The following SUGCT variants were observed in gnomAD, a reference collection of about 807,000 sequenced individuals.
The protein encoded by SUGCT is succinyl-CoA:glutarate-CoA transferase.
SUGCT carries 41 observed loss-of-function variants against 55.0 expected under a neutral mutation model. That is an observed-to-expected ratio of 0.74 (90% CI 0.58 to 0.97). SUGCT has a LOEUF of 0.97. Ranked by LOEUF, SUGCT falls within the 50% of genes least tolerant of loss-of-function variation. SUGCT has a pLI of 0.00. For missense variants in SUGCT, 568 were observed against 547.8 expected, an observed-to-expected ratio of 1.04 and a Z score of -0.37; for synonymous variants, 187 against 200.4, an observed-to-expected ratio of 0.93 and a Z score of 0.56.
chr7:40,931,368 T>C, the SUGCT span, among the ~76,000 whole-genome samples: 4 of 152,202 alleles, frequency 2.6e-5, no homozygotes, highest in Non-Finnish European at 5.9e-5. Flanking sequence ...ATCAGAGATA[T>C]TGGTCTAAAA....
the SUGCT span, among the ~76,000 whole-genome samples, chr7:40,974,353 G>A: frequency 6.6e-6 from 1 of 152,290 alleles, no homozygotes; most frequent in East Asian, 1.9e-4. Flanking sequence ...AGGTGATAAA[G>A]GTTAAATAAG....
chr7:40,657,999 T>C (rs1476951955), intron 12 of SUGCT, among the ~76,000 whole-genome samples: 1 of 152,162 alleles, frequency 6.6e-6, no homozygotes, highest in Non-Finnish European at 1.5e-5. Flanking sequence ...CAAGGAAAAC[T>C]CTTAGAGGGA....
the SUGCT span, among the ~76,000 whole-genome samples, chr7:41,026,874 A>G: frequency 6.6e-6 from 1 of 152,102 alleles, no homozygotes; most frequent in Non-Finnish European, 1.5e-5. Context: ...TCTACTAAAA[A>G]TACAAAAATT....
intron 12 of SUGCT, among the ~76,000 whole-genome samples, chr7:40,715,329 A>G (rs141177687): frequency 9.9e-5 from 15 of 152,206 alleles, no homozygotes; most frequent in African/African-American, 3.4e-4. Context: ...ACAATTGCAG[A>G]AGAACATCTA....
chr7:40,135,037 C>A lies in SUGCT; in HGVS notation c.17C>A (p.Ala6Glu). 1 of 1,561,998 alleles carries A rather than the reference C, an allele frequency of 6.4e-7. No individual in the cohort carries two copies. The highest frequency in any genetic ancestry group is 8.7e-7 in the Non-Finnish European group (1 of 1,154,706). MLATL[A>E]RVAALRRTCL... ...ACGCACGCGATGCTGGCGACGCTGG[C>A]GAGGGTGGCAGCTCTGCGCAGAACC... Residue 6 changes from alanine (A) to glutamate (E), a missense_variant, in exon 1 of 14, where the codon GCG becomes GAG. Transcript: ENST00000335693.
At chr7:40,277,677 G>GTTATTGTTA (rs1554300443) in intron 8 of SUGCT, among the ~76,000 whole-genome samples, 4 of 144,896 alleles carry the variant, frequency 2.8e-5, no homozygotes, top group Non-Finnish European at 6.0e-5. Context: ...TGTTCTTTTT[G>GTTATTGTTA]TTATTATTAT....
intron 12 of SUGCT, among the ~76,000 whole-genome samples, chr7:40,702,779 A>G (rs1417132507): frequency 6.6e-6 from 1 of 152,136 alleles, no homozygotes; most frequent in Admixed American, 6.5e-5. Flanking sequence ...TCAATGAAAG[A>G]TCACTGAAAT....
intron 12 of SUGCT, among the ~76,000 whole-genome samples, chr7:40,727,817 CTT>C (rs1417924670): frequency 1.3e-5 from 2 of 152,164 alleles, no homozygotes; most frequent in African/African-American, 4.8e-5. Flanking sequence ...GTTTTTCCCT[CTT>C]AATATTGGGG....
chr7:40,547,857 AATTT>A (rs1204364296), intron 12 of SUGCT, among the ~76,000 whole-genome samples: 2 of 152,140 alleles, frequency 1.3e-5, no homozygotes, highest in African/African-American at 4.8e-5. Flanking sequence ...GATATTTTAT[AATTT>A]ATTTAACTAA....
chr7:40,635,376 A>G (rs979370311), intron 12 of SUGCT, among the ~76,000 whole-genome samples: 1 of 152,238 alleles, frequency 6.6e-6, no homozygotes, highest in East Asian at 1.9e-4. Flanking sequence ...AAAGTTGGAT[A>G]TACTATGAAA....
chr7:40,158,919 A>T (rs1784022309), intron 1 of SUGCT, among the ~76,000 whole-genome samples: 1 of 152,174 alleles, frequency 6.6e-6, no homozygotes, highest in Non-Finnish European at 1.5e-5. Context: ...ATCTCTTTTT[A>T]AAATTGTATT....
At chr7:41,017,905 C>T in the SUGCT span, among the ~76,000 whole-genome samples, 2 of 151,814 alleles carry the variant, frequency 1.3e-5, no homozygotes, top group Non-Finnish European at 2.9e-5. Flanking sequence ...GCCTGAGAGC[C>T]ACCCAGAATT....
chr7:40,404,063 A>G (rs1273743889), intron 9 of SUGCT, among the ~76,000 whole-genome samples: 2 of 152,212 alleles, frequency 1.3e-5, no homozygotes, highest in Admixed American at 1.3e-4. Context: ...CACTGGCTAC[A>G]CTAAGGCACT....
chr7:40,162,623 T>C (rs536714255), intron 1 of SUGCT, among the ~76,000 whole-genome samples: 2 of 152,280 alleles, frequency 1.3e-5, no homozygotes, highest in African/African-American at 4.8e-5. Flanking sequence ...ACCACAGGCA[T>C]GCACCATCAT....
At chr7:40,558,169 A>G (rs918641867) in intron 12 of SUGCT, among the ~76,000 whole-genome samples, 3 of 152,128 alleles carry the variant, frequency 2.0e-5, no homozygotes, top group African/African-American at 7.2e-5. Context: ...TGTGCAGTGT[A>G]GGAATGTAAA....
rs184798117 is a variant in SUGCT, at chr7:40,686,095, T to C, written c.1090-63339T>C. ...TGTTTTTATTTTTTTATGATTGTAA[T>C]ATTTTACCTGAGTAAATGTGGTACA... On this transcript the variant is annotated intron_variant, in intron 12 of 13. Transcript: ENST00000335693. Among the ~76,000 whole-genome samples, 387 of 152,334 alleles carry C rather than the reference T, an allele frequency of 2.5e-3. 2 individuals are homozygous for C. The highest frequency in any genetic ancestry group is 8.6e-3 in the African/African-American group (357 of 41,582).
intron 13 of SUGCT, among the ~76,000 whole-genome samples, chr7:40,779,470 T>G: frequency 6.6e-6 from 1 of 152,174 alleles, no homozygotes; most frequent in East Asian, 1.9e-4. Context: ...CTTAACAAGA[T>G]TTTGATGCGG....
At chr7:40,180,370 C>T (rs374119078) in intron 1 of SUGCT, among the ~76,000 whole-genome samples, 3 of 151,664 alleles carry the variant, frequency 2.0e-5, no homozygotes, top group South Asian at 2.1e-4. Flanking sequence ...CACCCGCCTC[C>T]GCCTCCCAAA....
chr7:40,631,343 A>G (rs368055553), intron 12 of SUGCT, among the ~76,000 whole-genome samples: 3 of 152,176 alleles, frequency 2.0e-5, no homozygotes, highest in African/African-American at 4.8e-5. Flanking sequence ...ATGGACGGTT[A>G]TAAGTTTTGG....
Sources: allele counts gnomAD v4.1 joint callset (sites outside exome capture counted in the v4.1 genomes callset), GRCh38; gene constraint gnomAD v4.1.1; transcripts MANE v1.5; gene names NCBI Gene and HGNC (gene_info 2026-07-23, HGNC 2026-07-21).